Variants in CACNA2D3 observed in about 807,000 individuals in gnomAD.
CACNA2D3 encodes the protein calcium voltage-gated channel auxiliary subunit alpha2delta 3.
In CACNA2D3, 60 loss-of-function variants were observed where a neutral mutation model predicts 160.6. The ratio of observed to expected loss-of-function variants is 0.37; its 90% CI spans 0.30 to 0.46. The LOEUF is 0.46. Among genes scored for constraint, CACNA2D3 ranks in the 20% least tolerant of loss-of-function variants. The pLI is 1.00. For synonymous variants in CACNA2D3, 558 were observed against 492.9 expected, an observed-to-expected ratio of 1.13 and a Z score of -1.75; for missense variants, 1,205 against 1,365.0, an observed-to-expected ratio of 0.88 and a Z score of 1.85.
Position 55,039,609 on chromosome 3 carries a change from C to T in CACNA2D3, c.2987+21292C>T, listed in dbSNP as rs570237047. Among the ~76,000 whole-genome samples, 10 of 152,284 alleles carry T rather than the reference C, an allele frequency of 6.6e-5. No individual in the cohort carries two copies. In the East Asian group the frequency reaches 1.9e-3, roughly 29 times the overall value. On this transcript the variant is annotated intron_variant, in intron 35 of 37. Transcript: ENST00000474759. ...GGTCCTTGTGACCTTTTGACAGTACCTCATTAGTCTTTGATAATTTCCTTG... is the reference window on the plus strand; with the variant it reads ...GGTCCTTGTGACCTTTTGACAGTACTTCATTAGTCTTTGATAATTTCCTTG...
At chr3:54,485,356 C>G (rs1378814060) in intron 4 of CACNA2D3, among the ~76,000 whole-genome samples, 1 of 152,082 alleles carries the variant, frequency 6.6e-6, no homozygotes, top group Non-Finnish European at 1.5e-5. Flanking sequence ...CCAAGGAAGT[C>G]TAGTTATTGG....
chr3:54,454,919 C>CAT (rs1260799925), intron 4 of CACNA2D3, among the ~76,000 whole-genome samples: 2 of 151,984 alleles, frequency 1.3e-5, no homozygotes, highest in Non-Finnish European at 2.9e-5. Context: ...CAGCAAGTGA[C>CAT]GGAATTTCTT....
intron 29 of CACNA2D3, among the ~76,000 whole-genome samples, chr3:54,971,883 C>G (rs896150041): frequency 1.3e-5 from 2 of 152,062 alleles, no homozygotes; most frequent in African/African-American, 4.8e-5. Flanking sequence ...CTCAACTATA[C>G]AATGGGGATA....
chr3:54,192,361 T>C (rs1700999602), intron 2 of CACNA2D3, among the ~76,000 whole-genome samples: 1 of 152,188 alleles, frequency 6.6e-6, no homozygotes. Context: ...GCATTGATAT[T>C]GAGTTTCACC....
chr3:54,790,132 G>T (rs1220912691), intron 13 of CACNA2D3, among the ~76,000 whole-genome samples: 2 of 152,178 alleles, frequency 1.3e-5, no homozygotes, highest in Non-Finnish European at 2.9e-5. Context: ...CAGAGGACCC[G>T]GTTTCAAATG....
intron 2 of CACNA2D3, among the ~76,000 whole-genome samples, chr3:54,152,895 A>G (rs1700177234): frequency 6.6e-6 from 1 of 152,220 alleles, no homozygotes; most frequent in African/African-American, 2.4e-5. Flanking sequence ...CTGGAAAGCA[A>G]GAGAGGTCCC....
rs1559563653 is a variant in CACNA2D3 at position 54,736,070 on chromosome 3, T to TATAC, written c.1168-16525_1168-16522dup. Among the ~76,000 whole-genome samples the TATAC allele has an allele frequency of 2.8e-4, 9 of 32,048 alleles. 3 individuals carry two copies. Among genetic ancestry groups the TATAC allele is most frequent in the Non-Finnish European group, 6.5e-4 (8 of 12,344 alleles). The allele number at this position is 32,048 out of a possible 152,430, so 21.0% of individuals were successfully genotyped here. On this transcript the variant is annotated intron_variant, in intron 11 of 37. Coordinates refer to ENST00000474759, the MANE Select transcript of CACNA2D3 (RefSeq NM_018398.3). ...ACACATACATATGTATGTATATATATATACATATATATGTATGTGTATATA... is the reference window on the plus strand; with the variant it reads ...ACACATACATATGTATGTATATATATATACATACATATATATGTATGTGTATATA...
intron 35 of CACNA2D3, among the ~76,000 whole-genome samples, chr3:55,019,396 T>C (rs1189378790): frequency 1.3e-5 from 2 of 152,018 alleles, no homozygotes; most frequent in African/African-American, 4.8e-5. Context: ...GATAGATCAA[T>C]TTAAAGATAA....
At chr3:54,141,094 C>CACGCGCGCGCGCACGT (rs1553731351) in intron 2 of CACNA2D3, among the ~76,000 whole-genome samples, 2 of 81,892 alleles carry the variant, frequency 2.4e-5, no homozygotes, top group African/African-American at 3.8e-5. Context: ...TGTGCGCGCG[C>CACGCGCGCGCGCACGT]GCGCGTGTGT....
chr3:55,003,724 T>C (rs542777205), intron 31 of CACNA2D3, among the ~76,000 whole-genome samples: 15 of 152,314 alleles, frequency 9.8e-5, no homozygotes, highest in African/African-American at 3.6e-4. Flanking sequence ...TGGGAAGAAG[T>C]TGGCCTGGGC....
intron 31 of CACNA2D3, among the ~76,000 whole-genome samples, chr3:54,990,984 A>G (rs1299622817): frequency 6.6e-6 from 1 of 152,184 alleles, no homozygotes; most frequent in Admixed American, 6.5e-5. Context: ...CAGCTTACAT[A>G]TGACCTAGTA....
At chr3:54,369,493 C>T (rs1698886141) in intron 3 of CACNA2D3, among the ~76,000 whole-genome samples, 1 of 152,184 alleles carries the variant, frequency 6.6e-6, no homozygotes, top group Non-Finnish European at 1.5e-5. Context: ...CTGCTGTCCC[C>T]ACTGGACCCC....
At chr3:54,686,845 A>G (rs1413515505) in intron 11 of CACNA2D3, among the ~76,000 whole-genome samples, 2 of 152,170 alleles carry the variant, frequency 1.3e-5, no homozygotes, top group African/African-American at 4.8e-5. Context: ...GTCCAGTCTG[A>G]TTTCAAGGCT....
chr3:54,547,016 G>T (rs1172138394), intron 5 of CACNA2D3, among the ~76,000 whole-genome samples: 1 of 152,140 alleles, frequency 6.6e-6, no homozygotes, highest in African/African-American at 2.4e-5. Flanking sequence ...GTGCCACTCA[G>T]GAGTTAGCAG....
At chr3:55,036,152 T>G (rs929691836) in intron 35 of CACNA2D3, among the ~76,000 whole-genome samples, 2 of 152,136 alleles carry the variant, frequency 1.3e-5, no homozygotes, top group Admixed American at 6.5e-5. Flanking sequence ...AACCATAAAA[T>G]GAAAACACCC....
intron 2 of CACNA2D3, among the ~76,000 whole-genome samples, chr3:54,203,578 T>C (rs1701214506): frequency 6.6e-6 from 1 of 152,216 alleles, no homozygotes; most frequent in African/African-American, 2.4e-5. Context: ...CAAAGTTTTA[T>C]TGAGTGGAAG....
At chr3:54,826,241 G>T (rs1703748114) in intron 14 of CACNA2D3, among the ~76,000 whole-genome samples, 1 of 151,994 alleles carries the variant, frequency 6.6e-6, no homozygotes, top group African/African-American at 2.4e-5. Flanking sequence ...CCCAAATGTA[G>T]CCCACTTCCA....
chr3:54,352,816 A>G (rs1698586723), intron 3 of CACNA2D3, among the ~76,000 whole-genome samples: 1 of 152,226 alleles, frequency 6.6e-6, no homozygotes. Context: ...ATAAATCTTG[A>G]TAAGTTCTGA....
intron 3 of CACNA2D3, among the ~76,000 whole-genome samples, chr3:54,350,968 G>GTTTTGTTT (rs1698543203): frequency 1.8e-5 from 1 of 56,106 alleles, no homozygotes; most frequent in African/African-American, 6.4e-5. Flanking sequence ...TCTTGAGTCT[G>GTTTTGTTT]TTTTTTTTTT....
Sources: gnomAD v4.1 joint callset for allele counts (sites outside exome capture counted in the v4.1 genomes callset) on GRCh38, gnomAD v4.1.1 for gene constraint, MANE v1.5 for transcripts, NCBI Gene and HGNC (gene_info 2026-07-23, HGNC 2026-07-21) for gene names.